The following DLC1 variants were observed in gnomAD, a reference collection of about 807,000 sequenced individuals.
DLC1 encodes DLC1 Rho GTPase activating protein.
A neutral mutation model predicts 140.3 loss-of-function variants in DLC1; 54 were observed. The observed-to-expected ratio is 0.38, with a 90% confidence interval of 0.31 to 0.48. The LOEUF is 0.48. DLC1 is among the 20% of genes least tolerant of loss of function. The pLI, the probability that DLC1 is intolerant of heterozygous loss-of-function variation, is 0.96. For missense variants in DLC1, 2,536 were observed against 1,907.0 expected (o/e 1.33, Z -6.14); for synonymous variants, 986 against 728.1 (o/e 1.35, Z -5.70).
At chr8:13,218,194 T>A (rs921486229) in intron 5 of DLC1, among the ~76,000 whole-genome samples, 1 of 152,096 alleles carries the variant, frequency 6.6e-6, no homozygotes, top group Non-Finnish European at 1.5e-5. Context: ...CACATGCAAA[T>A]TAATAAACTA....
At chr8:13,263,980 G>C (rs1830574589) in intron 5 of DLC1, among the ~76,000 whole-genome samples, 1 of 151,916 alleles carries the variant, frequency 6.6e-6, no homozygotes, top group African/African-American at 2.4e-5. Flanking sequence ...AAACAACATA[G>C]ATGCCTTTCA....
chr8:13,534,403 A>C (rs1803200509), intron 1 of DLC1, among the ~76,000 whole-genome samples: 2 of 152,186 alleles, frequency 1.3e-5, no homozygotes, highest in Non-Finnish European at 2.9e-5. Flanking sequence ...ATTCAATAGA[A>C]GGCTCAGAAC....
chr8:13,192,370 T>C (rs1359027696), intron 5 of DLC1, among the ~76,000 whole-genome samples: 2 of 152,194 alleles, frequency 1.3e-5, no homozygotes. Context: ...AAATTCATGA[T>C]GAAAGTGAAT....
chr8:13,144,836 T>C (rs1354450188), intron 5 of DLC1, among the ~76,000 whole-genome samples: 2 of 152,206 alleles, frequency 1.3e-5, no homozygotes, highest in African/African-American at 4.8e-5. Flanking sequence ...GGTTCTGTTT[T>C]TCTGGAGAAC....
chr8:13,499,312 G>A lies in DLC1; in HGVS notation c.760C>T (p.Gln254Ter). Residue 254 changes from glutamine to a stop codon, truncating the protein, a stop_gained, in exon 2 of 18, where the codon CAA becomes TAA. Coordinates refer to ENST00000276297, the MANE Select transcript of DLC1 (RefSeq NM_182643.3). LOFTEE classifies it high-confidence loss of function. ...CAAGGAGTATCCAAGAACTCATTTT[G>A]TACTACATTGCAGGTGCTTCTTTCA... is the stretch of plus-strand genomic sequence containing the variant. Reference protein sequence around the residue: ...ENERSTCNVVQNEFLDTPCTN... With the variant: ...ENERSTCNVV 2 of 1,610,738 alleles carry A rather than the reference G, an allele frequency of 1.2e-6. No homozygotes were observed. Among genetic ancestry groups the A allele is most frequent in the Non-Finnish European group, 1.7e-6 (2 of 1,177,350 alleles).
At chr8:13,360,997 G>A (rs148519534) in intron 4 of DLC1, among the ~76,000 whole-genome samples, 3 of 152,012 alleles carry the variant, frequency 2.0e-5, no homozygotes, top group African/African-American at 4.8e-5. Context: ...TGGGGAGGTT[G>A]AGGCGGGCAG....
At chr8:13,308,000 C>G (rs1293089654) in intron 4 of DLC1, among the ~76,000 whole-genome samples, 1 of 152,176 alleles carries the variant, frequency 6.6e-6, no homozygotes, top group Non-Finnish European at 1.5e-5. Flanking sequence ...TAGGCATTGT[C>G]TAAAGAAGCC....
At chr8:13,202,787 C>T (rs958893370) in intron 5 of DLC1, among the ~76,000 whole-genome samples, 2 of 152,096 alleles carry the variant, frequency 1.3e-5, no homozygotes, top group South Asian at 2.1e-4. Context: ...GATCCTCCCA[C>T]CTCTGCCTCC....
chr8:13,260,135 A>G (rs950726136), intron 5 of DLC1, among the ~76,000 whole-genome samples: 2 of 152,200 alleles, frequency 1.3e-5, no homozygotes, highest in African/African-American at 4.8e-5. Flanking sequence ...TTTCCAGATA[A>G]CAGAAAATCT....
chr8:13,502,939 A>G (rs1435865478), intron 1 of DLC1, among the ~76,000 whole-genome samples: 1 of 152,246 alleles, frequency 6.6e-6, no homozygotes, highest in African/African-American at 2.4e-5. Flanking sequence ...TGACATTAAC[A>G]TCACAAGAGA....
intron 5 of DLC1, among the ~76,000 whole-genome samples, chr8:13,257,721 G>GA (rs56257500): frequency 1.6e-4 from 23 of 145,934 alleles, no homozygotes; most frequent in Admixed American, 2.0e-4. Flanking sequence ...CGGAAAAGAA[G>GA]AAAAAAAAAA....
intron 1 of DLC1, among the ~76,000 whole-genome samples, chr8:13,593,991 C>G (rs1028634431): frequency 3.3e-5 from 5 of 151,994 alleles, no homozygotes; most frequent in African/African-American, 1.2e-4. Flanking sequence ...GAGACCCTGT[C>G]TCTACAAAAA....
chr8:13,195,276 T>C (rs1826982630), intron 5 of DLC1, among the ~76,000 whole-genome samples: 1 of 118,692 alleles, frequency 8.4e-6, no homozygotes, highest in African/African-American at 2.9e-5. Flanking sequence ...TCTGTTGAAC[T>C]TGACAAATGT....
chr8:13,087,596 G>C (rs190836101), intron 16 of DLC1, among the ~76,000 whole-genome samples: 2 of 152,308 alleles, frequency 1.3e-5, no homozygotes. Flanking sequence ...CAGAGCCGTT[G>C]TTACAGAGGG....
intron 2 of DLC1, among the ~76,000 whole-genome samples, chr8:13,429,436 A>G (rs1198337016): frequency 7.7e-6 from 1 of 129,674 alleles, no homozygotes; most frequent in African/African-American, 2.5e-5. Flanking sequence ...CTAGGCATCC[A>G]TATTAAAAAC....
At chr8:13,402,503 T>A (rs1294491042) in intron 2 of DLC1, among the ~76,000 whole-genome samples, 1 of 152,216 alleles carries the variant, frequency 6.6e-6, no homozygotes, top group African/African-American at 2.4e-5. Flanking sequence ...AAAAGCAACA[T>A]CTACAGAGAA....
rs576565631 is a variant in DLC1 at position 13,312,063 on chromosome 8, T to A, written c.1315-6761A>T. On this transcript the variant is annotated intron_variant, in intron 4 of 17. Coordinates refer to ENST00000276297, the MANE Select transcript of DLC1 (RefSeq NM_182643.3). ...TTCTAATCATTATTCTAAGTTTTTT[T>A]AAAAATAATTTCTTTAGGCCGGGCG... Among the ~76,000 whole-genome samples the A allele has an allele frequency of 2.8e-4, 43 of 152,282 alleles. No individual in the cohort carries two copies. The South Asian group carries it at 5.2e-3, about 18-fold the overall frequency.
chr8:13,267,867 C>G (rs761393714), intron 5 of DLC1, among the ~76,000 whole-genome samples: 3 of 151,862 alleles, frequency 2.0e-5, no homozygotes, highest in African/African-American at 7.3e-5. Flanking sequence ...TCAAAAATCA[C>G]CAACCAGGAT....
intron 5 of DLC1, among the ~76,000 whole-genome samples, chr8:13,279,194 T>A (rs959667574): frequency 1.3e-5 from 2 of 152,154 alleles, no homozygotes; most frequent in East Asian, 3.8e-4. Flanking sequence ...ATCCCGACTA[T>A]GGAAATTAAA....
Sources: allele counts gnomAD v4.1 joint callset (sites outside exome capture counted in the v4.1 genomes callset), GRCh38; gene constraint gnomAD v4.1.1; transcripts MANE v1.5; gene names NCBI Gene and HGNC (gene_info 2026-07-23, HGNC 2026-07-21).